Variants in NAALADL2 observed in about 807,000 individuals in gnomAD.
NAALADL2 encodes the protein N-acetylated alpha-linked acidic dipeptidase like 2, also known as inactive N-acetylated-alpha-linked acidic dipeptidase-like protein 2.
Under a neutral mutation model 87.2 loss-of-function variants are expected in NAALADL2, and 76 were observed. That is an observed-to-expected ratio of 0.87 (90% CI 0.72 to 1.05). The LOEUF (loss-of-function observed/expected upper bound fraction) is 1.05. Among genes scored for constraint, NAALADL2 ranks in the 50% least tolerant of loss-of-function variants. The pLI is 0.00. For missense variants in NAALADL2, 1,089 were observed against 945.8 expected (o/e 1.15, Z -1.99); for synonymous variants, 354 against 331.0 (o/e 1.07, Z -0.75).
intron 5 of NAALADL2, among the ~76,000 whole-genome samples, chr3:175,363,309 T>C (rs1052108785): frequency 6.8e-6 from 1 of 147,984 alleles, no homozygotes; most frequent in Non-Finnish European, 1.5e-5. Flanking sequence ...TACAATGTCT[T>C]TTTTTGGTGC....
intron 11 of NAALADL2, among the ~76,000 whole-genome samples, chr3:175,692,492 A>G (rs1737188346): frequency 1.3e-5 from 2 of 152,022 alleles, no homozygotes; most frequent in Non-Finnish European, 1.5e-5. Flanking sequence ...ATTTTTAGCC[A>G]CAGATCTAGT....
intron 3 of NAALADL2, among the ~76,000 whole-genome samples, chr3:174,780,761 G>A (rs996868760): frequency 6.6e-6 from 1 of 151,724 alleles, no homozygotes; most frequent in Non-Finnish European, 1.5e-5. Flanking sequence ...TGTCATTGGG[G>A]CATTTAGCCA....
intron 1 of NAALADL2, among the ~76,000 whole-genome samples, chr3:175,035,502 C>G (rs1753303723): frequency 2.0e-5 from 3 of 152,012 alleles, no homozygotes; most frequent in Admixed American, 2.0e-4. Flanking sequence ...TTCCCTGACT[C>G]TGTGCTCCTG....
At chr3:175,107,616 A>C (rs2108469855) in intron 2 of NAALADL2, among the ~76,000 whole-genome samples, 1 of 152,014 alleles carries the variant, frequency 6.6e-6, no homozygotes, top group South Asian at 2.1e-4. Flanking sequence ...ACTGAAATAA[A>C]CCAATGTAAA....
intron 1 of NAALADL2, among the ~76,000 whole-genome samples, chr3:174,930,391 C>G (rs886913166): frequency 3.9e-4 from 59 of 151,812 alleles, no homozygotes; most frequent in African/African-American, 1.3e-3. Flanking sequence ...TTTGAGTAAT[C>G]CTTTCCACTA....
intron 13 of NAALADL2, among the ~76,000 whole-genome samples, chr3:175,800,238 GAGCTTC>G: frequency 2.0e-5 from 3 of 151,476 alleles, no homozygotes; most frequent in African/African-American, 7.3e-5. Context: ...TTGGGCTACA[GAGCTTC>G]TACACTCCAC....
intron 1 of NAALADL2, among the ~76,000 whole-genome samples, chr3:174,524,750 G>T (rs1312429423): frequency 6.6e-6 from 1 of 151,602 alleles, no homozygotes; most frequent in African/African-American, 2.4e-5. Flanking sequence ...ATTTGTCGAG[G>T]TTGGGTCTCA....
intron 3 of NAALADL2, among the ~76,000 whole-genome samples, chr3:174,828,384 A>G (rs916241033): frequency 3.9e-5 from 6 of 152,194 alleles, no homozygotes; most frequent in African/African-American, 7.2e-5. Context: ...TTCTTTTCTT[A>G]TAAATTTAAT....
chr3:175,387,809 T>C (rs1024504208), intron 5 of NAALADL2, among the ~76,000 whole-genome samples: 8 of 152,092 alleles, frequency 5.3e-5, no homozygotes, highest in Non-Finnish European at 1.2e-4. Flanking sequence ...CAATGTGTTG[T>C]CTATTTATTA....
chr3:174,611,777 A>T (rs967534070), intron 2 of NAALADL2, among the ~76,000 whole-genome samples: 1 of 149,754 alleles, frequency 6.7e-6, no homozygotes, highest in African/African-American at 2.5e-5. Flanking sequence ...TTTTTTTTTT[A>T]GTAGAGACGG....
chr3:175,194,336 A>C (rs968150736), intron 2 of NAALADL2, among the ~76,000 whole-genome samples: 1 of 151,794 alleles, frequency 6.6e-6, no homozygotes, highest in Non-Finnish European at 1.5e-5. Flanking sequence ...AACAGAGATG[A>C]ATCATAGTTT....
chr3:175,603,873 G>A (rs1001064497), intron 10 of NAALADL2, among the ~76,000 whole-genome samples: 4 of 152,028 alleles, frequency 2.6e-5, no homozygotes, highest in Admixed American at 2.0e-4. Context: ...ACACACCGTT[G>A]GTCCCAGCTA....
rs139949294 is a variant in NAALADL2, at chr3:174,977,795, A to G, written c.43+118345A>G. ...TGACATTTAAAAATATTGAACCACA[A>G]ATTGAGCATAAACACTGACTACACA... On this transcript the variant is annotated intron_variant, in intron 1 of 13. Transcript: ENST00000454872. Among the ~76,000 whole-genome samples, 601 of 152,276 alleles carry G rather than the reference A, an allele frequency of 3.9e-3. 2 individuals carry two copies. Among genetic ancestry groups the G allele is most frequent in the African/African-American group, 0.014 (569 of 41,564 alleles).
intron 2 of NAALADL2, among the ~76,000 whole-genome samples, chr3:174,615,105 CT>C (rs1406744699): frequency 1.3e-5 from 2 of 152,100 alleles, no homozygotes; most frequent in Non-Finnish European, 2.9e-5. Context: ...GGAAAATTAT[CT>C]TTATTATTGT....
chr3:175,627,376 C>T lies in NAALADL2; in HGVS notation c.1886C>T (p.Thr629Ile), dbSNP rs1410248089. Reference protein sequence around the residue: ...EMDPSFNLHETITKLSGEVIL... With the variant: ...EMDPSFNLHEIITKLSGEVIL... Reference sequence around the variant, plus strand: ...GATCCCTCTTTCAACCTTCATGAAACCATTACTAAGGTAGGGGAGAAATGC... The same window carrying T: ...GATCCCTCTTTCAACCTTCATGAAATCATTACTAAGGTAGGGGAGAAATGC... The change falls in exon 11 of 14, where the codon ACC becomes ATC. Residue 629 changes from threonine to isoleucine, a missense_variant. Transcript: ENST00000454872. 6.4e-7 allele frequency: 1 copy of T among 1,552,532 alleles called. No homozygotes were observed. The highest frequency in any genetic ancestry group is 1.9e-5 in the Admixed American group (1 of 52,420).
intron 2 of NAALADL2, among the ~76,000 whole-genome samples, chr3:174,624,830 T>C (rs1721392673): frequency 6.6e-6 from 1 of 152,184 alleles, no homozygotes; most frequent in Non-Finnish European, 1.5e-5. Context: ...TTCAGGCTAT[T>C]AGCCAATAAT....
At chr3:174,464,596 A>G (rs1716410701) in intron 1 of NAALADL2, among the ~76,000 whole-genome samples, 1 of 151,966 alleles carries the variant, frequency 6.6e-6, no homozygotes, top group Non-Finnish European at 1.5e-5. Context: ...TGTTATAATT[A>G]TGTTTTTATT....
At chr3:174,821,438 G>T (rs759952857) in intron 3 of NAALADL2, among the ~76,000 whole-genome samples, 15 of 152,104 alleles carry the variant, frequency 9.9e-5, no homozygotes, top group Admixed American at 2.6e-4. Context: ...AGAAACACTT[G>T]CTCCCTTCTT....
At chr3:175,360,661 A>C (rs1203665761) in intron 5 of NAALADL2, among the ~76,000 whole-genome samples, 1 of 151,882 alleles carries the variant, frequency 6.6e-6, no homozygotes, top group Non-Finnish European at 1.5e-5. Flanking sequence ...TTTCCCTCAT[A>C]ATTTTCTAAG....
Sources: gnomAD v4.1 joint callset for allele counts (sites outside exome capture counted in the v4.1 genomes callset) on GRCh38, gnomAD v4.1.1 for gene constraint, MANE v1.5 for transcripts, NCBI Gene and HGNC (gene_info 2026-07-23, HGNC 2026-07-21) for gene names.